Variants in CHD1L observed in about 807,000 individuals in gnomAD.
The protein encoded by CHD1L is chromodomain helicase DNA binding protein 1 like.
In CHD1L, 118 loss-of-function variants were observed where a neutral mutation model predicts 115.9. The observed-to-expected ratio is 1.02, with a 90% confidence interval of 0.88 to 1.19. The LOEUF is 1.19. CHD1L is among the 50% of genes most tolerant of loss of function. CHD1L has a pLI of 0.00. For synonymous variants in CHD1L, 411 were observed against 387.1 expected, an observed-to-expected ratio of 1.06 and a Z score of -0.72; for missense variants, 1,179 against 1,065.3, an observed-to-expected ratio of 1.11 and a Z score of -1.49.
rs1553952466 is a variant in CHD1L at position 147,270,937 on chromosome 1, A to G, written c.1091A>G (p.His364Arg). The change falls in exon 11 of 23, where the codon CAT (histidine) becomes CGT (arginine). Residue 364 changes from histidine to arginine, a missense_variant. By Grantham distance (29) the His-to-Arg change is conservative (BLOSUM62 0). Transcript: ENST00000369258. ...KLLAFLYSGGHRVLLFSQMTQ... is the reference protein window; with the variant it reads ...KLLAFLYSGGRRVLLFSQMTQ... ...CCTTTTCTTTTTCTTGCCAGGGGCC[A>G]TCGGGTTTTACTTTTCTCCCAAATG... 14 of 1,613,994 alleles carry G rather than the reference A, an allele frequency of 8.7e-6. No homozygotes were observed. In the East Asian group the frequency reaches 8.9e-5, roughly 10 times the overall value.
chr1:147,174,220 A>C, the CHD1L span, among the ~76,000 whole-genome samples: 4 of 152,128 alleles, frequency 2.6e-5, no homozygotes, highest in African/African-American at 9.7e-5. Context: ...TCACCCCTCC[A>C]AAATCTTTAT....
At chr1:147,243,705 G>C (rs911008072) in intron 1 of CHD1L, among the ~76,000 whole-genome samples, 5 of 152,188 alleles carry the variant, frequency 3.3e-5, no homozygotes, top group Admixed American at 6.5e-5. Context: ...TAATAATACA[G>C]TCGTTTATTC....
At chr1:147,190,108 G>A in the CHD1L span, 1 of 1,077,028 alleles carries the variant, frequency 9.3e-7, no homozygotes, top group South Asian at 1.4e-5. Context: ...GTTAAATACA[G>A]TACAATATTT....
the CHD1L span, among the ~76,000 whole-genome samples, chr1:147,205,872 T>C: frequency 6.6e-6 from 1 of 152,086 alleles, no homozygotes; most frequent in Non-Finnish European, 1.5e-5. Context: ...ACTTCATGTC[T>C]AAAACACCAA....
At chr1:147,187,452 C>G in the CHD1L span, among the ~76,000 whole-genome samples, 1 of 152,114 alleles carries the variant, frequency 6.6e-6, no homozygotes, top group East Asian at 1.9e-4. Context: ...AGCGAGACTT[C>G]TGAGTGGTTT....
chr1:147,212,504 G>A, the CHD1L span: 1 of 1,613,766 alleles, frequency 6.2e-7, no homozygotes, highest in South Asian at 1.1e-5. Context: ...AGTCTCGACT[G>A]TGGAAGTACT....
the CHD1L span, among the ~76,000 whole-genome samples, chr1:147,221,764 A>T: frequency 6.6e-6 from 1 of 152,194 alleles, no homozygotes; most frequent in Admixed American, 6.5e-5. Flanking sequence ...TCTTTGAGGT[A>T]CTCCTATATT....
chr1:147,283,997 C>T (rs587775546), intron 15 of CHD1L, among the ~76,000 whole-genome samples: 6 of 152,166 alleles, frequency 3.9e-5, no homozygotes, highest in South Asian at 2.1e-4. Flanking sequence ...TAAAAAAGTA[C>T]GGATTTTATT....
the CHD1L span, among the ~76,000 whole-genome samples, chr1:147,214,180 G>A: frequency 5.3e-5 from 8 of 152,184 alleles, no homozygotes; most frequent in Admixed American, 2.0e-4. Context: ...GGCCGGGTGC[G>A]GTGGCTCACG....
chr1:147,225,082 CA>C, the CHD1L span: 1 of 1,611,054 alleles, frequency 6.2e-7, no homozygotes, highest in Non-Finnish European at 8.5e-7. Flanking sequence ...GAAAGGATGA[CA>C]AAAGACAAAA....
chr1:147,289,862 A>G (rs1039346061), intron 19 of CHD1L, among the ~76,000 whole-genome samples: 1 of 152,220 alleles, frequency 6.6e-6, no homozygotes, highest in Non-Finnish European at 1.5e-5. Flanking sequence ...CGTTTTCATC[A>G]GCGGCTTGGG....
chr1:147,182,798 T>G, the CHD1L span, among the ~76,000 whole-genome samples: 1 of 152,188 alleles, frequency 6.6e-6, no homozygotes, highest in African/African-American at 2.4e-5. Flanking sequence ...TACCCTACCT[T>G]CTTTCTTGTA....
At chr1:147,224,599 T>G in the CHD1L span, among the ~76,000 whole-genome samples, 32 of 152,026 alleles carry the variant, frequency 2.1e-4, no homozygotes, top group Non-Finnish European at 3.5e-4. Context: ...AAGCTCTGCC[T>G]CCCAAGTTCA....
intron 10 of CHD1L, among the ~76,000 whole-genome samples, chr1:147,269,233 T>C (rs927097545): frequency 6.6e-6 from 1 of 152,226 alleles, no homozygotes; most frequent in African/African-American, 2.4e-5. Context: ...ATTTCTTTTA[T>C]AGTTGCCTGC....
the CHD1L span, among the ~76,000 whole-genome samples, chr1:147,193,636 G>A: frequency 6.6e-6 from 1 of 151,974 alleles, no homozygotes. Context: ...TTTCTCTTGT[G>A]GGCATTTAGT....
At chr1:147,237,389 G>A in the CHD1L span, among the ~76,000 whole-genome samples, 3 of 151,776 alleles carry the variant, frequency 2.0e-5, no homozygotes, top group Non-Finnish European at 4.4e-5. Context: ...CAGGGAGGCC[G>A]AGTTGGTGGA....
At chr1:147,282,678 GAT>G (rs1222333995) in intron 15 of CHD1L, among the ~76,000 whole-genome samples, 2 of 152,106 alleles carry the variant, frequency 1.3e-5, no homozygotes, top group Non-Finnish European at 2.9e-5. Flanking sequence ...AGTTATAATT[GAT>G]TATATTAAGT....
the CHD1L span, among the ~76,000 whole-genome samples, chr1:147,202,241 AT>A: frequency 7.1e-6 from 1 of 140,774 alleles, no homozygotes; most frequent in East Asian, 2.0e-4. Context: ...GTAATTGCTT[AT>A]TTTTTTGCCA....
At position 147,267,465 on chromosome 1, in the gene CHD1L, A is replaced by C. The variant is rs781808589; in HGVS notation, c.935A>C (p.Gln312Pro). The C allele has an allele frequency of 6.2e-7, 1 of 1,613,372 alleles. No homozygotes were observed. Among genetic ancestry groups the C allele is most frequent in the Non-Finnish European group, 8.5e-7 (1 of 1,179,640 alleles). The change falls in exon 9 of 23, where the codon CAG becomes CCG. Residue 312 changes from glutamine (Q) to proline (P), a missense_variant. Gln to Pro is a moderately conservative substitution (Grantham distance 76). Coordinates refer to ENST00000369258, the MANE Select transcript of CHD1L (RefSeq NM_004284.6). ...GAGACGGCAAAGAAAGTTAAACTAC[A>C]GAACATTTTGTCCCAGCTTCGAAAG... ...ENETAKKVKL[Q>P]NILSQLRKCV...
Sources: allele counts gnomAD v4.1 joint callset (sites outside exome capture counted in the v4.1 genomes callset), GRCh38; gene constraint gnomAD v4.1.1; transcripts MANE v1.5; gene names NCBI Gene and HGNC (gene_info 2026-07-23, HGNC 2026-07-21).